MSRA: variants seen among roughly 807,000 people sequenced by gnomAD.
MSRA encodes the protein mitochondrial peptide methionine sulfoxide reductase.
Under a neutral mutation model 31.3 loss-of-function variants are expected in MSRA, and 54 were observed. That is an observed-to-expected ratio of 1.73 (90% CI 1.39 to 2.17). The LOEUF (loss-of-function observed/expected upper bound fraction) is 2.17. Among genes scored for constraint, MSRA ranks in the 30% most tolerant of loss-of-function variants. The pLI is 0.00. For missense variants in MSRA, 507 were observed against 300.9 expected (o/e 1.69, Z -5.07); for synonymous variants, 169 against 116.5 (o/e 1.45, Z -2.90).
intron 1 of MSRA, among the ~76,000 whole-genome samples, chr8:10,062,921 T>C (rs1797281646): frequency 6.6e-6 from 1 of 152,196 alleles, no homozygotes; most frequent in African/African-American, 2.4e-5. Context: ...CCTTAGCACA[T>C]TTTAAGCTAA....
At chr8:10,153,076 A>T (rs1803848418) in intron 1 of MSRA, among the ~76,000 whole-genome samples, 2 of 152,206 alleles carry the variant, frequency 1.3e-5, no homozygotes, top group African/African-American at 4.8e-5. Flanking sequence ...ATTGCTGGAG[A>T]TTGATCGTAC....
At chr8:10,171,368 CT>C (rs5889322) in intron 1 of MSRA, among the ~76,000 whole-genome samples, 32,251 of 143,174 alleles carry the variant, frequency 0.23, 3,972 homozygotes, top group East Asian at 0.48. Context: ...TTAAACTGTA[CT>C]TTTTTTTTTT....
chr8:10,186,677 G>A (rs943106391), intron 1 of MSRA, among the ~76,000 whole-genome samples: 3 of 152,108 alleles, frequency 2.0e-5, no homozygotes, highest in African/African-American at 7.2e-5. Context: ...TTAACTGCAG[G>A]TGAAAGGCTT....
chr8:10,375,990 A>G (rs763927663), intron 5 of MSRA, among the ~76,000 whole-genome samples: 4 of 152,064 alleles, frequency 2.6e-5, no homozygotes, highest in Non-Finnish European at 5.9e-5. Flanking sequence ...GTTCCTATTA[A>G]TCACTCTGTT....
chr8:10,122,581 A>G (rs1563121285), intron 1 of MSRA, among the ~76,000 whole-genome samples: 1 of 151,588 alleles, frequency 6.6e-6, no homozygotes, highest in Non-Finnish European at 1.5e-5. Context: ...TGTTTGTTTA[A>G]TGGGTAAACT....
intron 5 of MSRA, among the ~76,000 whole-genome samples, chr8:10,321,838 G>T (rs1409407476): frequency 6.6e-6 from 1 of 152,162 alleles, no homozygotes; most frequent in Non-Finnish European, 1.5e-5. Context: ...TGAGACTGCA[G>T]CCCTGCCTGA....
chr8:10,056,935 G>A (rs1343228952), intron 1 of MSRA, among the ~76,000 whole-genome samples: 1 of 152,130 alleles, frequency 6.6e-6, no homozygotes, highest in East Asian at 1.9e-4. Flanking sequence ...GTTTAGATAA[G>A]CCTAGTATCA....
intron 1 of MSRA, among the ~76,000 whole-genome samples, chr8:10,062,696 G>A (rs559893939): frequency 6.6e-6 from 1 of 152,172 alleles, no homozygotes; most frequent in African/African-American, 2.4e-5. Context: ...AAGCATCGGG[G>A]TTTGGGGGCT....
intron 1 of MSRA, among the ~76,000 whole-genome samples, chr8:10,094,330 A>G (rs1419209328): frequency 6.6e-6 from 1 of 152,242 alleles, no homozygotes; most frequent in Non-Finnish European, 1.5e-5. Flanking sequence ...ACAGCTGTAT[A>G]TGGAAGGCTG....
At chr8:10,371,053 A>G (rs1221479581) in intron 5 of MSRA, among the ~76,000 whole-genome samples, 2 of 152,204 alleles carry the variant, frequency 1.3e-5, no homozygotes, top group Non-Finnish European at 2.9e-5. Flanking sequence ...TCCCCTGGAG[A>G]TGTTTTCAGA....
At chr8:10,267,562 G>A (rs147541942) in intron 3 of MSRA, among the ~76,000 whole-genome samples, 19 of 152,232 alleles carry the variant, frequency 1.2e-4, no homozygotes, top group Non-Finnish European at 2.1e-4. Context: ...TTGTCCCGGG[G>A]AATTACTATG....
intron 5 of MSRA, among the ~76,000 whole-genome samples, chr8:10,341,201 A>T (rs758624080): frequency 1.6e-4 from 24 of 152,156 alleles, no homozygotes; most frequent in Admixed American, 4.6e-4. Context: ...AAGAAAAGAG[A>T]TTTAATTGGC....
intron 1 of MSRA, among the ~76,000 whole-genome samples, chr8:10,078,825 C>A (rs1798130825): frequency 6.6e-6 from 1 of 152,214 alleles, no homozygotes; most frequent in Non-Finnish European, 1.5e-5. Context: ...TTAAGGCAGT[C>A]CAAGTTGGAA....
rs529788774 is a variant in MSRA at position 10,304,878 on chromosome 8, C to T, written c.436+3240C>T. Reference sequence around the variant, plus strand: ...GATTCTGATCTGTGAGGCAGTAGTCCACTCCAGGTTCTTTTCAGAAACAAA... The same window carrying T: ...GATTCTGATCTGTGAGGCAGTAGTCTACTCCAGGTTCTTTTCAGAAACAAA... On this transcript the variant is annotated intron_variant, in intron 4 of 5. Transcript: ENST00000317173. Among the ~76,000 whole-genome samples the T allele has an allele frequency of 1.2e-4, 18 of 152,228 alleles. No individual in the cohort carries two copies. The South Asian group carries it at 3.7e-3, about 32-fold the overall frequency.
intron 1 of MSRA, among the ~76,000 whole-genome samples, chr8:10,173,449 T>C (rs754187792): frequency 2.6e-5 from 4 of 152,226 alleles, no homozygotes; most frequent in Non-Finnish European, 5.9e-5. Flanking sequence ...TTTCAATAGT[T>C]AGCCTCACCT....
rs548274502 is a variant in MSRA at position 10,074,884 on chromosome 8, C to A, written c.142+20226C>A. Among the ~76,000 whole-genome samples the A allele has an allele frequency of 7.2e-5, 11 of 152,206 alleles. No individual in the cohort carries two copies. In the South Asian group the frequency reaches 2.3e-3, roughly 32 times the overall value. Reference sequence around the variant, plus strand: ...GTGTTGGCCAGGCTGGTCTTGAACTCCTGACCTCAAGTGATCTGCCTGTCT... The same window carrying A: ...GTGTTGGCCAGGCTGGTCTTGAACTACTGACCTCAAGTGATCTGCCTGTCT... On this transcript the variant is annotated intron_variant, in intron 1 of 5. Transcript: ENST00000317173.
intron 1 of MSRA, among the ~76,000 whole-genome samples, chr8:10,074,309 C>G (rs1449087103): frequency 6.6e-6 from 1 of 151,816 alleles, no homozygotes; most frequent in Non-Finnish European, 1.5e-5. Context: ...GTCTTGATCT[C>G]CTGACCTCGT....
At chr8:10,376,683 T>A (rs1333256582) in intron 5 of MSRA, among the ~76,000 whole-genome samples, 2 of 152,228 alleles carry the variant, frequency 1.3e-5, no homozygotes. Context: ...TTTTTGGAGT[T>A]TTTGAACCAG....
chr8:10,174,011 GA>G (rs1467853198), intron 1 of MSRA, among the ~76,000 whole-genome samples: 3 of 152,150 alleles, frequency 2.0e-5, no homozygotes, highest in Admixed American at 6.5e-5. Context: ...AAGATGTGAG[GA>G]CTCGTGTCTA....
Sources: gnomAD v4.1 joint callset for allele counts (sites outside exome capture counted in the v4.1 genomes callset) on GRCh38, gnomAD v4.1.1 for gene constraint, MANE v1.5 for transcripts, NCBI Gene and HGNC (gene_info 2026-07-23, HGNC 2026-07-21) for gene names.